The following SLC23A2 variants were observed in gnomAD, a reference collection of about 807,000 sequenced individuals.
The protein encoded by SLC23A2 is solute carrier family 23 member 2, also known as Na(+)/L-ascorbic acid transporter 2.
Under a neutral mutation model 73.3 loss-of-function variants are expected in SLC23A2, and 36 were observed. The observed-to-expected ratio is 0.49, with a 90% confidence interval of 0.38 to 0.65. The LOEUF is 0.65. Ranked by LOEUF, SLC23A2 falls within the 30% of genes least tolerant of loss-of-function variation. The pLI, the probability that SLC23A2 is intolerant of heterozygous loss-of-function variation, is 0.00. For synonymous variants in SLC23A2, 343 were observed against 327.3 expected, an observed-to-expected ratio of 1.05 and a Z score of -0.52; for missense variants, 507 against 841.6, an observed-to-expected ratio of 0.60 and a Z score of 4.92.
At chr20:4,884,897 G>T in intron 7 of SLC23A2, 74 bp from the exon 8 acceptor site, 1 of 875,758 alleles carries the variant, frequency 1.1e-6, no homozygotes. Context: ...TACCTTTTAA[G>T]AAGAATTTTC....
intron 15 of SLC23A2, among the ~76,000 whole-genome samples, chr20:4,860,677 A>G (rs894748453): frequency 1.3e-5 from 2 of 152,260 alleles, no homozygotes; most frequent in African/African-American, 4.8e-5. Context: ...AACAACCCAA[A>G]TGTCCATCAA....
chr20:4,954,698 CAAAAA>C (rs200579910), intron 2 of SLC23A2, among the ~76,000 whole-genome samples: 1 of 55,116 alleles, frequency 1.8e-5, no homozygotes, highest in Non-Finnish European at 4.4e-5. Context: ...GACTCCATCA[CAAAAA>C]AAAAAAAAAA....
chr20:4,918,844 T>C (rs936543819), intron 3 of SLC23A2, among the ~76,000 whole-genome samples: 8 of 152,294 alleles, frequency 5.3e-5, no homozygotes, highest in African/African-American at 1.9e-4. Context: ...GCTTTCAGAA[T>C]AGTAATAAAG....
Position 4,857,239 on chromosome 20 carries a change from T to C in SLC23A2, c.1721-35A>G. The C allele has an allele frequency of 7.9e-7, 1 of 1,271,362 alleles. No individual in the cohort carries two copies. The highest frequency in any genetic ancestry group is 1.1e-6 in the Non-Finnish European group (1 of 898,286). The allele number at this position is 1,271,362 out of a possible 1,614,324, so 78.8% of individuals were successfully genotyped here. ...ATCCCAAGATAGAACAAAGGAATGC[T>C]TCGTTTAGCAGCTCTACTGAAAATG... On this transcript the variant is annotated intron_variant, in intron 16 of 16. Coordinates refer to ENST00000338244, the MANE Select transcript of SLC23A2 (RefSeq NM_005116.6). The surrounding 1 kb of genome is among the most constrained non-coding windows in gnomAD (Gnocchi z 4.0).
rs1399461803 is a variant in SLC23A2 at position 4,872,881 on chromosome 20, A to C, written c.1102+1055T>G. Among the ~76,000 whole-genome samples, 1 of 151,928 alleles carries C rather than the reference A, an allele frequency of 6.6e-6. No homozygotes were observed. Among genetic ancestry groups the C allele is most frequent in the African/African-American group, 2.4e-5 (1 of 41,344 alleles). On this transcript the variant is annotated intron_variant, in intron 11 of 16. Coordinates refer to ENST00000338244, the MANE Select transcript of SLC23A2 (RefSeq NM_005116.6). The surrounding 1 kb of genome is among the most constrained non-coding windows in gnomAD (Gnocchi z 4.4). Reference sequence around the variant, plus strand: ...GCGATTCTCCTGCCTCAGCCTCCCGAGTAGCTGGAATTACAGACACCCGTC... The same window carrying C: ...GCGATTCTCCTGCCTCAGCCTCCCGCGTAGCTGGAATTACAGACACCCGTC...
intron 1 of SLC23A2, among the ~76,000 whole-genome samples, chr20:4,977,987 C>A (rs1320044102): frequency 1.3e-5 from 2 of 151,768 alleles, no homozygotes; most frequent in Non-Finnish European, 2.9e-5. Context: ...TCACTTGAGC[C>A]AAGAAGTTCA....
intron 4 of SLC23A2, among the ~76,000 whole-genome samples, chr20:4,905,208 GC>G (rs1190731506): frequency 1.3e-5 from 2 of 150,364 alleles, no homozygotes; most frequent in Admixed American, 1.3e-4. Context: ...ACACACACAA[GC>G]TTTTCTTAGT....
intron 6 of SLC23A2, among the ~76,000 whole-genome samples, chr20:4,891,317 C>T (rs1000266768): frequency 6.6e-6 from 1 of 152,146 alleles, no homozygotes; most frequent in Non-Finnish European, 1.5e-5. Context: ...AATCAGACTC[C>T]CAGGCCCTTG....
chr20:4,904,983 G>A (rs115233512), intron 4 of SLC23A2, among the ~76,000 whole-genome samples: 1,749 of 151,782 alleles, frequency 0.012, 32 homozygotes, highest in African/African-American at 0.04. Flanking sequence ...GCGTGGTGGC[G>A]TGCACCTGTA....
chr20:4,896,132 C>T (rs1040316885), intron 6 of SLC23A2, among the ~76,000 whole-genome samples: 3 of 152,082 alleles, frequency 2.0e-5, no homozygotes, highest in Non-Finnish European at 2.9e-5. Context: ...AGGAGACACA[C>T]GAACATGGGG....
Position 4,932,452 on chromosome 20 carries a change from T to C in SLC23A2, c.108+3A>G. On this transcript the variant is annotated splice_donor_region_variant and intron_variant, in intron 3 of 16. Coordinates refer to ENST00000338244, the MANE Select transcript of SLC23A2 (RefSeq NM_005116.6). ...AAGAAAGGAAGATGGGGAATATGATTACCGGAAGAGTGAAGAAAGCTGGGT... is the reference window on the plus strand; with the variant it reads ...AAGAAAGGAAGATGGGGAATATGATCACCGGAAGAGTGAAGAAAGCTGGGT... 1 of 1,478,292 alleles carries C rather than the reference T, an allele frequency of 6.8e-7. No individual in the cohort carries two copies. 91.6% of individuals were successfully genotyped at this position (1,478,292 alleles called of 1,614,324 possible).
chr20:4,911,280 A>T (rs759749783), intron 4 of SLC23A2, among the ~76,000 whole-genome samples: 9 of 152,220 alleles, frequency 5.9e-5, no homozygotes, highest in African/African-American at 1.4e-4. Context: ...CTCTGCCTGA[A>T]TCTACTTTAA....
chr20:5,006,987 G>A (rs1030904046), intron 1 of SLC23A2, among the ~76,000 whole-genome samples: 2 of 151,418 alleles, frequency 1.3e-5, no homozygotes, highest in Admixed American at 6.6e-5. Flanking sequence ...GCGTGCGTGC[G>A]TGTTCAATGA....
intron 1 of SLC23A2, 78 bp downstream of exon 1, chr20:5,001,328 G>A (rs1312014776): frequency 6.8e-6 from 1 of 146,420 alleles, no homozygotes; most frequent in Admixed American, 6.8e-5. Flanking sequence ...GGCCTCGTGG[G>A]CGCGGCGAGC....
intron 1 of SLC23A2, among the ~76,000 whole-genome samples, chr20:4,997,942 G>A (rs2088051596): frequency 6.6e-6 from 1 of 152,060 alleles, no homozygotes; most frequent in African/African-American, 2.4e-5. Flanking sequence ...ATGGCACCAA[G>A]AAAAGGCCAT....
chr20:4,879,176 G>A (rs1243612792), intron 9 of SLC23A2, among the ~76,000 whole-genome samples: 1 of 152,172 alleles, frequency 6.6e-6, no homozygotes, highest in East Asian at 1.9e-4. Context: ...GGAGGCTGAG[G>A]TGGGTGGATC....
At chr20:4,956,020 AG>A (rs2087283148) in intron 2 of SLC23A2, among the ~76,000 whole-genome samples, 1 of 152,218 alleles carries the variant, frequency 6.6e-6, no homozygotes, top group South Asian at 2.1e-4. Flanking sequence ...ATGTATGGTT[AG>A]AAAACTCAGG....
intron 1 of SLC23A2, among the ~76,000 whole-genome samples, chr20:5,008,845 A>G (rs1009068951): frequency 4.6e-5 from 7 of 152,066 alleles, no homozygotes; most frequent in African/African-American, 1.4e-4. Context: ...GGGATTGCAG[A>G]CATGAGTCAC....
chr20:4,909,920 T>C (rs1932084068), intron 4 of SLC23A2, among the ~76,000 whole-genome samples: 1 of 152,216 alleles, frequency 6.6e-6, no homozygotes, highest in African/African-American at 2.4e-5. Context: ...AAGTTTATTT[T>C]ATCTTGTATT....
Sources: gnomAD v4.1 joint callset for allele counts (sites outside exome capture counted in the v4.1 genomes callset) on GRCh38, gnomAD v4.1.1 for gene constraint, Gnocchi (gnomAD v3.1) non-coding constraint, MANE v1.5 for transcripts, NCBI Gene and HGNC (gene_info 2026-07-23, HGNC 2026-07-21) for gene names.